The following RBPMS variants were observed in gnomAD, a reference collection of about 807,000 sequenced individuals.
RBPMS encodes the protein RNA-binding protein with multiple splicing.
In RBPMS, 7 loss-of-function variants were observed where a neutral mutation model predicts 26.8. The observed-to-expected ratio is 0.26, with a 90% confidence interval of 0.15 to 0.49. The LOEUF (loss-of-function observed/expected upper bound fraction) is 0.49. RBPMS is among the 20% of genes least tolerant of loss of function. The probability of loss-of-function intolerance (pLI) is 0.98; values close to 1 mark genes in which losing one functional copy is unlikely to be tolerated. For missense variants in RBPMS, 186 were observed against 250.0 expected, an observed-to-expected ratio of 0.74 and a Z score of 1.73; for synonymous variants, 96 against 93.3, an observed-to-expected ratio of 1.03 and a Z score of -0.17.
intron 2 of RBPMS, among the ~76,000 whole-genome samples, chr8:30,476,315 T>C (rs1817687507): frequency 6.6e-6 from 1 of 152,236 alleles, no homozygotes; most frequent in South Asian, 2.1e-4. Flanking sequence ...TATTATGTTA[T>C]ACTGCTTTTC....
intron 1 of RBPMS, among the ~76,000 whole-genome samples, chr8:30,423,873 T>C (rs1363925392): frequency 2.0e-5 from 3 of 151,924 alleles, no homozygotes; most frequent in Non-Finnish European, 2.9e-5. Flanking sequence ...AGTCTCACTC[T>C]GCCACCCAGG....
At chr8:30,446,414 A>G (rs551298500) in intron 1 of RBPMS, among the ~76,000 whole-genome samples, 17 of 152,284 alleles carry the variant, frequency 1.1e-4, no homozygotes, top group African/African-American at 3.9e-4. Context: ...AAGGCTTACT[A>G]CAGGTAGACT....
intron 1 of RBPMS, among the ~76,000 whole-genome samples, chr8:30,416,695 G>A (rs1451085306): frequency 2.6e-5 from 4 of 152,048 alleles, no homozygotes; most frequent in African/African-American, 9.7e-5. Context: ...GGATGGTCTC[G>A]ATCTCCTGAC....
chr8:30,433,076 A>G (rs550368026), intron 1 of RBPMS, among the ~76,000 whole-genome samples: 102 of 152,322 alleles, frequency 6.7e-4, no homozygotes, highest in African/African-American at 1.8e-3. Flanking sequence ...ACTGTCCTAC[A>G]GTGATTCAAA....
At chr8:30,449,662 T>C (rs1814312524) in intron 1 of RBPMS, among the ~76,000 whole-genome samples, 1 of 152,158 alleles carries the variant, frequency 6.6e-6, no homozygotes, top group Non-Finnish European at 1.5e-5. Flanking sequence ...TGAACCACCG[T>C]GCCCGGCCCA....
intron 4 of RBPMS, among the ~76,000 whole-genome samples, chr8:30,488,343 A>G (rs1037866452): frequency 1.3e-5 from 2 of 152,236 alleles, no homozygotes; most frequent in Non-Finnish European, 2.9e-5. Flanking sequence ...CACACAAAGT[A>G]ATTTCTGTAT....
intron 1 of RBPMS, among the ~76,000 whole-genome samples, chr8:30,432,023 G>C (rs1052941701): frequency 6.6e-6 from 1 of 151,964 alleles, no homozygotes; most frequent in African/African-American, 2.4e-5. Context: ...AGCTACTTGG[G>C]AAGCTGAGGT....
chr8:30,529,177 C>A (rs1823923397), intron 5 of RBPMS, among the ~76,000 whole-genome samples: 1 of 151,906 alleles, frequency 6.6e-6, no homozygotes, highest in African/African-American at 2.4e-5. Context: ...CAAGATTGCG[C>A]CACTGCATCC....
chr8:30,462,374 A>G (rs1816010576), intron 1 of RBPMS, among the ~76,000 whole-genome samples: 2 of 152,206 alleles, frequency 1.3e-5, no homozygotes, highest in South Asian at 2.1e-4. Context: ...AAAAGTGATG[A>G]TTAAACAAAC....
intron 5 of RBPMS, among the ~76,000 whole-genome samples, chr8:30,533,776 G>A (rs562086595): frequency 1.3e-5 from 2 of 152,088 alleles, no homozygotes; most frequent in Non-Finnish European, 2.9e-5. Flanking sequence ...ATTTTTGCTT[G>A]TACACAAATC....
intron 1 of RBPMS, among the ~76,000 whole-genome samples, chr8:30,410,555 GGTGT>G (rs201695688): frequency 6.6e-6 from 1 of 150,998 alleles, no homozygotes; most frequent in African/African-American, 2.4e-5. Context: ...TATATATATA[GGTGT>G]GTGTGTATGT....
intron 6 of RBPMS, among the ~76,000 whole-genome samples, chr8:30,551,858 G>T (rs1350129864): frequency 6.6e-6 from 1 of 152,190 alleles, no homozygotes; most frequent in African/African-American, 2.4e-5. Context: ...CGGAGCCTCA[G>T]TTTCCTCATC....
intron 5 of RBPMS, among the ~76,000 whole-genome samples, chr8:30,508,055 A>G (rs910450072): frequency 6.6e-6 from 1 of 152,168 alleles, no homozygotes; most frequent in East Asian, 1.9e-4. Flanking sequence ...TTTGGAGATA[A>G]GATTTTTAAA....
At chr8:30,518,714 T>TTTTTTTTTTTTTTG (rs1822651142) in intron 5 of RBPMS, among the ~76,000 whole-genome samples, 1 of 133,726 alleles carries the variant, frequency 7.5e-6, no homozygotes, top group Non-Finnish European at 1.6e-5. Context: ...TTTTTTTTTT[T>TTTTTTTTTTTTTTG]TCTGAAAAGG....
intron 4 of RBPMS, among the ~76,000 whole-genome samples, chr8:30,482,521 C>T (rs1818388637): frequency 1.3e-5 from 2 of 152,282 alleles, no homozygotes; most frequent in African/African-American, 4.8e-5. Context: ...TCTATTTTCT[C>T]ATTTTTGGAC....
chr8:30,516,845 G>A (rs1050073187), intron 5 of RBPMS, among the ~76,000 whole-genome samples: 2 of 150,968 alleles, frequency 1.3e-5, no homozygotes, highest in Non-Finnish European at 2.9e-5. Context: ...AGTGTATCTT[G>A]TCTGTGAATG....
At chr8:30,504,758 C>T (rs993221193) in intron 5 of RBPMS, among the ~76,000 whole-genome samples, 3 of 152,126 alleles carry the variant, frequency 2.0e-5, no homozygotes, top group Non-Finnish European at 2.9e-5. Flanking sequence ...CCCCCCTGCT[C>T]GGACACGAGA....
chr8:30,527,601 C>G (rs1470722139), intron 5 of RBPMS, among the ~76,000 whole-genome samples: 7 of 152,170 alleles, frequency 4.6e-5, no homozygotes, highest in Non-Finnish European at 1.0e-4. Flanking sequence ...AAGCCCCACA[C>G]TGTGTGTGCT....
At chr8:30,506,482 A>G (rs573582213) in intron 5 of RBPMS, among the ~76,000 whole-genome samples, 7 of 152,204 alleles carry the variant, frequency 4.6e-5, no homozygotes, top group African/African-American at 1.7e-4. Context: ...GGTCAACCTT[A>G]TTATCCATTG....
Sources: gnomAD v4.1 joint callset for allele counts (sites outside exome capture counted in the v4.1 genomes callset) on GRCh38, gnomAD v4.1.1 for gene constraint, MANE v1.5 for transcripts, NCBI Gene and HGNC (gene_info 2026-07-23, HGNC 2026-07-21) for gene names.